MOV10L1: variants seen among roughly 807,000 people sequenced by gnomAD.
The protein encoded by MOV10L1 is RNA helicase Mov10l1.
In MOV10L1, 110 loss-of-function variants were observed where a neutral mutation model predicts 143.8. The observed-to-expected ratio is 0.76, with a 90% CI of 0.66 to 0.90. The LOEUF (loss-of-function observed/expected upper bound fraction) is 0.90, where lower values mean the gene tolerates loss of function less well. Among genes scored for constraint, MOV10L1 ranks in the 40% least tolerant of loss-of-function variants. The pLI, the probability that MOV10L1 is intolerant of heterozygous loss-of-function variation, is 0.00. For synonymous variants in MOV10L1, 593 were observed against 581.1 expected (o/e 1.02, Z -0.29); for missense variants, 1,406 against 1,526.8 (o/e 0.92, Z 1.32).
intron 8 of MOV10L1, among the ~76,000 whole-genome samples, chr22:50,115,470 T>C (rs2062147349): frequency 6.6e-6 from 1 of 152,080 alleles, no homozygotes; most frequent in Admixed American, 6.5e-5. Context: ...GTAGAATCGC[T>C]TAAATCCAGG....
Position 50,161,581 on chromosome 22 carries a change from A to G in MOV10L1, c.*132A>G. 3.4e-6 allele frequency: 3 copies of G among 886,178 alleles called. No individual in the cohort carries two copies. Among genetic ancestry groups the G allele is most frequent in the Non-Finnish European group, 3.4e-6 (2 of 595,044 alleles). 54.9% of individuals were successfully genotyped at this position (886,178 alleles called of 1,614,324 possible). ...GGTCGTGTGTGGGTGTGGGGCTGCC[A>G]GGTTGGACGCAGCTGCTGCTGCCCT... On this transcript the variant is annotated 3_prime_UTR_variant, in exon 27 of 27. Transcript: ENST00000262794.
At chr22:50,150,952 C>T (rs1023411745) in intron 21 of MOV10L1, 53 bp downstream of exon 21, 22 of 1,605,462 alleles carry the variant, frequency 1.4e-5, no homozygotes, top group East Asian at 2.2e-5. Context: ...GACACAGGCT[C>T]CAGGGCAGTC....
At chr22:50,155,854 C>T (rs570104254) in intron 22 of MOV10L1, among the ~76,000 whole-genome samples, 90 of 152,268 alleles carry the variant, frequency 5.9e-4, no homozygotes, top group African/African-American at 2.1e-3. Flanking sequence ...AGTTCAAGAA[C>T]GGCCAGGACA....
rs1184489685 is a variant in MOV10L1 at position 50,152,986 on chromosome 22, C to T, written c.2893-59C>T. On this transcript the variant is annotated intron_variant, in intron 21 of 26. Transcript: ENST00000262794. The surrounding 1 kb of genome is among the most constrained non-coding windows in gnomAD (Gnocchi z 4.4). Reference sequence around the variant, plus strand: ...TTGCTGTGCAGAGCCGCTTTTCGTTCGACAGAAACTGTGCCGGGTACCACC... The same window carrying T: ...TTGCTGTGCAGAGCCGCTTTTCGTTTGACAGAAACTGTGCCGGGTACCACC... 15 of 1,492,632 alleles carry T rather than the reference C, an allele frequency of 1.0e-5. No homozygotes were observed. The highest frequency in any genetic ancestry group is 2.5e-5 in the South Asian group (2 of 79,148). The allele number at this position is 1,492,632 out of a possible 1,614,324, so 92.5% of individuals were successfully genotyped here.
In MOV10L1 at chr22:50,145,756, G is replaced by T; in HGVS notation, c.2573G>T (p.Arg858Leu). The change falls in exon 19 of 27, where the codon CGG becomes CTG. Residue 858 changes from arginine (R) to leucine (L), a missense_variant. Transcript: ENST00000262794. ...GEDIWKASRFRIIITTCSSSG... is the reference protein window; with the variant it reads ...GEDIWKASRFLIIITTCSSSG... ...GACATCTGGAAAGCCTCACGCTTCC[G>T]GATAATCATCACCACATGCAGCAGC... 1 of 1,614,144 alleles carries T rather than the reference G, an allele frequency of 6.2e-7. No individual in the cohort carries two copies. Among genetic ancestry groups the T allele is most frequent in the South Asian group, 1.1e-5 (1 of 91,082 alleles).
At chr22:50,149,332 C>T in intron 19 of MOV10L1, 1 of 407,416 alleles carries the variant, frequency 2.5e-6, no homozygotes, top group Admixed American at 4.2e-5. Flanking sequence ...CCCCAGGAGG[C>T]GCTCGTGTGT....
chr22:50,114,380 G>A lies in MOV10L1; in HGVS notation c.885-1G>A. The A allele has an allele frequency of 6.2e-7, 1 of 1,611,978 alleles. No individual in the cohort carries two copies. Among genetic ancestry groups the A allele is most frequent in the South Asian group, 1.1e-5 (1 of 90,768 alleles). On this transcript the variant is annotated splice_acceptor_variant, in intron 6 of 26. Transcript: ENST00000262794. LOFTEE classifies it high-confidence loss of function. ...GTTCATAGTTAATTGTATTTTTCCA[G>A]GAATAAAGGAGACATTCCTCAAAAC...
At position 50,134,085 on chromosome 22, in the gene MOV10L1, A is replaced by G. The variant is rs773545453; in HGVS notation, c.1969+20A>G. 6.3e-7 allele frequency: 1 copy of G among 1,582,518 alleles called. No individual in the cohort carries two copies. The highest frequency in any genetic ancestry group is 8.6e-7 in the Non-Finnish European group (1 of 1,160,108). ...TAAAAGGTATTACTTTTATAGAATG[A>G]TAGTGTTACATCTTCACAGAGTATT... On this transcript the variant is annotated intron_variant, in intron 14 of 26. Coordinates refer to ENST00000262794, the MANE Select transcript of MOV10L1 (RefSeq NM_018995.3).
In MOV10L1 at chr22:50,113,635, G is replaced by A; in HGVS notation, c.744-13G>A. On this transcript the variant is annotated splice_polypyrimidine_tract_variant and intron_variant, in intron 5 of 26. Coordinates refer to ENST00000262794, the MANE Select transcript of MOV10L1 (RefSeq NM_018995.3). ...TGCTGCAGAGGGATGTCTTTCTGGG[G>A]CTCTTTTTTCAGAGACGCCGCCCCT... 3.7e-6 allele frequency: 6 copies of A among 1,611,834 alleles called. No homozygotes were observed. Among genetic ancestry groups the A allele is most frequent in the Non-Finnish European group, 5.1e-6 (6 of 1,179,060 alleles).
At chr22:50,155,842 G>A (rs1410967728) in intron 22 of MOV10L1, among the ~76,000 whole-genome samples, 1 of 152,162 alleles carries the variant, frequency 6.6e-6, no homozygotes, top group Admixed American at 6.5e-5. Context: ...CTTGAGCCCA[G>A]GAGTTCAAGA....
At chr22:50,105,729 C>T (rs568281706) in intron 3 of MOV10L1, among the ~76,000 whole-genome samples, 44 of 152,178 alleles carry the variant, frequency 2.9e-4, no homozygotes, top group African/African-American at 7.5e-4. Context: ...ATTTACAGAA[C>T]GGTTCCTCAG....
chr22:50,098,806 A>T (rs34534011), intron 2 of MOV10L1, among the ~76,000 whole-genome samples: 34,082 of 151,998 alleles, frequency 0.22, 4,183 homozygotes, highest in Admixed American at 0.35. Context: ...TTGTTGTGAG[A>T]TTTTTGTTTA....
In MOV10L1 at chr22:50,158,239, A is replaced by C. The variant is rs1208361895; in HGVS notation, c.3216+33A>C. 1 of 1,613,174 alleles carries C rather than the reference A, an allele frequency of 6.2e-7. No individual in the cohort carries two copies. On this transcript the variant is annotated intron_variant, in intron 23 of 26. Coordinates refer to ENST00000262794, the MANE Select transcript of MOV10L1 (RefSeq NM_018995.3). This position sits in a 1 kb window ranked among gnomAD's most constrained non-coding sequence, Gnocchi z 5.0. ...CTGCCCAGGCACGCCTGGTTCTGTG[A>C]GGTCCCTGCAGCCCTGCTCCTTGGC...
At position 50,149,527 on chromosome 22, in the gene MOV10L1, T is replaced by C. The variant is rs537830218; in HGVS notation, c.2628-88T>C. The C allele has an allele frequency of 1.9e-3, 2,455 of 1,312,122 alleles. 71 individuals carry two copies. The South Asian group carries it at 0.031, about 17-fold the overall frequency. The allele number at this position is 1,312,122 out of a possible 1,614,324, so 81.3% of individuals were successfully genotyped here. A position where few individuals can be genotyped will look rare whatever the true frequency, so the allele number is the denominator to read the frequency against. The stretch of plus-strand genomic sequence containing the variant: ...GGGCAACCCTGCTGTGCCCCCGGGG[T>C]GCTGAGCGTGGCTTTGCCAGTGTGT... On this transcript the variant is annotated intron_variant, in intron 19 of 26. Transcript: ENST00000262794.
chr22:50,113,613 T>C lies in MOV10L1; in HGVS notation c.744-35T>C, dbSNP rs1198040908. 1.0e-5 allele frequency: 16 copies of C among 1,607,320 alleles called. No homozygotes were observed. In the Admixed American group the frequency reaches 1.9e-4, roughly 19 times the overall value. ...GCAGGCGAGGAAGGGGTGGTGCTGC[T>C]GCAGAGGGATGTCTTTCTGGGGCTC... On this transcript the variant is annotated intron_variant, in intron 5 of 26. Transcript: ENST00000262794.
At chr22:50,094,222 C>A (rs1438474150) in intron 2 of MOV10L1, 1 of 152,046 alleles carries the variant, frequency 6.6e-6, no homozygotes, top group Non-Finnish European at 1.5e-5. Flanking sequence ...TTCCATATGT[C>A]TGTCCATTTA....
chr22:50,108,384 T>C (rs781330363), intron 4 of MOV10L1, 136 bp downstream of exon 4: 4 of 863,812 alleles, frequency 4.6e-6, no homozygotes, highest in Non-Finnish European at 7.6e-6. Context: ...AAGAGGAGTG[T>C]GTTTTCCTAT....
rs919629662 is a variant in MOV10L1 at position 50,145,825 on chromosome 22, T to TG, written c.2627+17dup. On this transcript the variant is annotated intron_variant, in intron 19 of 26. Transcript: ENST00000262794. ...ATAGGAGTGAGGTGAGCCCCGGGCA[T>TG]GGAGCGCGGCATGGGGCCTCCCAGG... 1.2e-6 allele frequency: 2 copies of TG among 1,612,968 alleles called. No individual in the cohort carries two copies. Among genetic ancestry groups the TG allele is most frequent in the African/African-American group, 2.7e-5 (2 of 74,914 alleles).
Position 50,131,264 on chromosome 22 carries a change from C to T in MOV10L1, c.1911-2743C>T, listed in dbSNP as rs377185442. On this transcript the variant is annotated intron_variant, in intron 13 of 26. Transcript: ENST00000262794. ...TTTGTACAAAATACTTGTTGAAGTC[C>T]TTCCTCAAGTCTTTGGGCCCATTTT... 6.6e-5 allele frequency among the ~76,000 whole-genome samples: 10 copies of T among 152,108 alleles called. No homozygotes were observed. In the East Asian group the frequency reaches 1.5e-3, roughly 23 times the overall value.
Sources: allele counts gnomAD v4.1 joint callset (sites outside exome capture counted in the v4.1 genomes callset), GRCh38; gene constraint gnomAD v4.1.1; non-coding constraint Gnocchi (gnomAD v3.1); transcripts MANE v1.5; gene names NCBI Gene and HGNC (gene_info 2026-07-23, HGNC 2026-07-21).